WDR7: variants seen among roughly 807,000 people sequenced by gnomAD.
WDR7 encodes WD repeat-containing protein 7.
Under a neutral mutation model 169.4 loss-of-function variants are expected in WDR7, and 46 were observed. The ratio of observed to expected loss-of-function variants is 0.27; its 90% CI spans 0.21 to 0.35. WDR7 has a LOEUF of 0.35. Ranked by LOEUF, WDR7 falls within the 10% of genes least tolerant of loss-of-function variation. The pLI, the probability that WDR7 is intolerant of heterozygous loss-of-function variation, is 1.00. For missense variants in WDR7, 1,534 were observed against 1,859.3 expected (o/e 0.83, Z 3.22); for synonymous variants, 612 against 666.8 (o/e 0.92, Z 1.27).
chr18:56,917,731 G>A (rs1165185652), intron 21 of WDR7, among the ~76,000 whole-genome samples: 6 of 152,112 alleles, frequency 3.9e-5, no homozygotes, highest in Non-Finnish European at 8.8e-5. Flanking sequence ...TTTAGCCACA[G>A]CTTACATAGG....
chr18:56,788,024 T>C (rs1313407811), intron 19 of WDR7, among the ~76,000 whole-genome samples: 2 of 152,208 alleles, frequency 1.3e-5, no homozygotes, highest in Admixed American at 6.5e-5. Context: ...TTTCTCTTTT[T>C]ATATATGCCT....
At chr18:56,747,474 G>C (rs1269632414) in intron 14 of WDR7, among the ~76,000 whole-genome samples, 2 of 152,182 alleles carry the variant, frequency 1.3e-5, no homozygotes, top group African/African-American at 2.4e-5. Context: ...TAGGCCCCAA[G>C]CTACAACCAG....
At chr18:56,745,913 T>C (rs1353009811) in intron 14 of WDR7, among the ~76,000 whole-genome samples, 1 of 152,134 alleles carries the variant, frequency 6.6e-6, no homozygotes, top group African/African-American at 2.4e-5. Context: ...CTGCAGACCC[T>C]AAGTTGAAAA....
chr18:56,723,369 C>T (rs2026366528), intron 13 of WDR7, among the ~76,000 whole-genome samples: 2 of 151,888 alleles, frequency 1.3e-5, no homozygotes, highest in South Asian at 2.1e-4. Context: ...TTTCTTTTGT[C>T]TAATACTTAA....
In WDR7 at chr18:56,969,652, A is replaced by G. The variant is rs552352239; in HGVS notation, c.4164+7123A>G. 3.5e-4 allele frequency among the ~76,000 whole-genome samples: 54 copies of G among 152,354 alleles called. 2 individuals are homozygous for G. In the South Asian group the frequency reaches 0.011, roughly 30 times the overall value. ...GCTGAAGACAGTCCACATTAAAATA[A>G]TGAGTGTTGGCTCTGTGTTTGTTAA... On this transcript the variant is annotated intron_variant, in intron 26 of 27. Transcript: ENST00000254442.
intron 19 of WDR7, among the ~76,000 whole-genome samples, chr18:56,794,129 G>A (rs73958328): frequency 6.6e-6 from 1 of 151,856 alleles, no homozygotes; most frequent in African/African-American, 2.4e-5. Flanking sequence ...AGAGAAAGGT[G>A]GAGAGTAATG....
chr18:56,725,100 G>C (rs2026414041), intron 13 of WDR7, among the ~76,000 whole-genome samples: 1 of 150,714 alleles, frequency 6.6e-6, no homozygotes, highest in Non-Finnish European at 1.5e-5. Flanking sequence ...TGTGAATAGT[G>C]CTGCAATAAA....
At chr18:56,993,379 T>A (rs916898787) in intron 26 of WDR7, among the ~76,000 whole-genome samples, 2 of 152,204 alleles carry the variant, frequency 1.3e-5, no homozygotes, top group African/African-American at 4.8e-5. Flanking sequence ...TTTCTTTTAT[T>A]TTCTTTTGGA....
At position 56,718,000 on chromosome 18, in the gene WDR7, G is replaced by A; in HGVS notation, c.1615G>A (p.Asp539Asn). 6.2e-7 allele frequency: 1 copy of A among 1,614,038 alleles called. No homozygotes were observed. The highest frequency in any genetic ancestry group is 1.1e-5 in the South Asian group (1 of 91,054). Residue 539 changes from aspartate to asparagine, a missense_variant, in exon 13 of 28, where the codon GAC becomes AAC. Asp to Asn is a conservative substitution (Grantham distance 23). Transcript: ENST00000254442. The part of the protein sequence containing the change: ...VQHCICSVAS[D>N]HSVGLLSLRE... The stretch of plus-strand genomic sequence containing the variant: ...GCACTGCATCTGCTCTGTAGCCAGT[G>A]ACCACTCAGTAGGACTTCTAAGTTT...
chr18:56,863,928 T>G (rs887155988), intron 20 of WDR7, among the ~76,000 whole-genome samples: 1 of 151,832 alleles, frequency 6.6e-6, no homozygotes, highest in Admixed American at 6.6e-5. Context: ...ATCTCAATAC[T>G]GCATGTAAAA....
intron 21 of WDR7, among the ~76,000 whole-genome samples, chr18:56,909,757 T>C (rs1157133717): frequency 6.6e-6 from 1 of 152,202 alleles, no homozygotes; most frequent in Admixed American, 6.5e-5. Context: ...GATGGTGTTA[T>C]AGTGCTTTTC....
At chr18:56,742,648 A>G (rs1236139740) in intron 14 of WDR7, among the ~76,000 whole-genome samples, 1 of 152,190 alleles carries the variant, frequency 6.6e-6, no homozygotes, top group African/African-American at 2.4e-5. Context: ...ACAATTGAAT[A>G]AAGTAGCGGG....
chr18:56,935,860 T>A lies in WDR7; in HGVS notation c.3786T>A (p.Ile1262=). 6.2e-7 allele frequency: 1 copy of A among 1,614,182 alleles called. No individual in the cohort carries two copies. The highest frequency in any genetic ancestry group is 8.5e-7 in the Non-Finnish European group (1 of 1,180,028). ...CTGCGAGGCATGCCCTCTCGCTCAT[T>A]GCCACCGCCAGACCACCCGCCTTCA... ...ARSARHALSL[I]ATARPPAFIT... is the part of the protein sequence containing the mutation. Residue 1262 remains isoleucine, a synonymous_variant, in exon 23 of 28, where the codon ATT becomes ATA. Coordinates refer to ENST00000254442, the MANE Select transcript of WDR7 (RefSeq NM_015285.3).
At chr18:56,748,490 TTTTC>T (rs1227325147) in intron 14 of WDR7, among the ~76,000 whole-genome samples, 1 of 152,168 alleles carries the variant, frequency 6.6e-6, no homozygotes, top group African/African-American at 2.4e-5. Flanking sequence ...TTGAAAGATA[TTTTC>T]TTTATCAAAG....
intron 7 of WDR7, among the ~76,000 whole-genome samples, chr18:56,687,626 T>C (rs2025469363): frequency 6.6e-6 from 1 of 152,228 alleles, no homozygotes; most frequent in Non-Finnish European, 1.5e-5. Flanking sequence ...TTCTTGTTTT[T>C]GTTTTTTGTT....
intron 20 of WDR7, among the ~76,000 whole-genome samples, chr18:56,858,091 C>G (rs2045750417): frequency 6.6e-6 from 1 of 152,192 alleles, no homozygotes; most frequent in Admixed American, 6.5e-5. Context: ...CTTTTACTTT[C>G]AGCTGCTTGC....
intron 19 of WDR7, among the ~76,000 whole-genome samples, chr18:56,795,318 A>T (rs2044564616): frequency 6.6e-6 from 1 of 152,142 alleles, no homozygotes; most frequent in Admixed American, 6.5e-5. Context: ...CTCATGTAAG[A>T]ATCTTGGTCC....
intron 12 of WDR7, among the ~76,000 whole-genome samples, chr18:56,709,262 G>T (rs900890760): frequency 2.0e-5 from 3 of 152,070 alleles, no homozygotes; most frequent in Non-Finnish European, 4.4e-5. Context: ...TAAAGCAGAG[G>T]TATTAATATG....
At chr18:56,849,407 A>G (rs1325862256) in intron 20 of WDR7, among the ~76,000 whole-genome samples, 1 of 152,198 alleles carries the variant, frequency 6.6e-6, no homozygotes, top group African/African-American at 2.4e-5. Flanking sequence ...CTTAAAAGGC[A>G]ATATTCCAAG....
Sources: allele counts gnomAD v4.1 joint callset (sites outside exome capture counted in the v4.1 genomes callset), GRCh38; gene constraint gnomAD v4.1.1; transcripts MANE v1.5; gene names NCBI Gene and HGNC (gene_info 2026-07-23, HGNC 2026-07-21).